The following SPMAP2L variants were observed in gnomAD, a reference collection of about 807,000 sequenced individuals.
The protein encoded by SPMAP2L is sperm microtubule associated protein 2 like.
chr4:56,530,715 C>G, the SPMAP2L span: 1 of 1,535,298 alleles, frequency 6.5e-7, no homozygotes, highest in Non-Finnish European at 8.7e-7. Context: ...CTGCGCCGTC[C>G]GAGGTGACCG....
At chr4:56,555,219 A>C in the SPMAP2L span, among the ~76,000 whole-genome samples, 1 of 152,136 alleles carries the variant, frequency 6.6e-6, no homozygotes, top group Non-Finnish European at 1.5e-5. Flanking sequence ...GATTACAGGC[A>C]TGAGCCACCG....
the SPMAP2L span, chr4:56,575,761 G>A: frequency 1.1e-6 from 1 of 948,468 alleles, no homozygotes; most frequent in Non-Finnish European, 1.5e-6. Flanking sequence ...GTGTTCCAAA[G>A]CATCAGGTAA....
the SPMAP2L span, among the ~76,000 whole-genome samples, chr4:56,579,032 A>G: frequency 7.2e-5 from 11 of 152,178 alleles, no homozygotes; most frequent in Non-Finnish European, 1.0e-4. Flanking sequence ...TCAATACCCC[A>G]CTTTTAATAA....
chr4:56,556,115 A>G, the SPMAP2L span, among the ~76,000 whole-genome samples: 1 of 152,226 alleles, frequency 6.6e-6, no homozygotes, highest in Non-Finnish European at 1.5e-5. Context: ...CATTGCCCAC[A>G]AAGCCTGCTT....
chr4:56,534,215 C>T, the SPMAP2L span, among the ~76,000 whole-genome samples: 1 of 152,194 alleles, frequency 6.6e-6, no homozygotes, highest in South Asian at 2.1e-4. Flanking sequence ...CACTTAGCTG[C>T]AGTGGCTTTT....
At chr4:56,593,670 A>G in the SPMAP2L span, 1 of 1,603,912 alleles carries the variant, frequency 6.2e-7, no homozygotes, top group South Asian at 1.1e-5. Flanking sequence ...GCCGTCCGAG[A>G]AAGCTTGGTG....
At chr4:56,566,674 A>ATTCTTT in the SPMAP2L span, among the ~76,000 whole-genome samples, 90 of 136,592 alleles carry the variant, frequency 6.6e-4, 1 homozygote, top group Non-Finnish European at 1.0e-3. Flanking sequence ...ATGATGTAAG[A>ATTCTTT]TTCTTTTTCT....
chr4:56,594,583 G>T, the SPMAP2L span: 2 of 1,590,664 alleles, frequency 1.3e-6, no homozygotes, highest in African/African-American at 2.7e-5. Flanking sequence ...GGCACAGAAC[G>T]GTTTGCCTCA....
At chr4:56,533,189 T>G in the SPMAP2L span, among the ~76,000 whole-genome samples, 1 of 152,182 alleles carries the variant, frequency 6.6e-6, no homozygotes, top group Non-Finnish European at 1.5e-5. Flanking sequence ...CAAACAACTA[T>G]GCCAACTATG....
At chr4:56,590,595 C>G in the SPMAP2L span, among the ~76,000 whole-genome samples, 3 of 152,216 alleles carry the variant, frequency 2.0e-5, no homozygotes, top group Non-Finnish European at 2.9e-5. Flanking sequence ...TCACAAACTG[C>G]TGATGTCACA....
chr4:56,596,188 A>T, the SPMAP2L span, among the ~76,000 whole-genome samples: 1 of 152,134 alleles, frequency 6.6e-6, no homozygotes, highest in African/African-American at 2.4e-5. Context: ...CACATTTCTG[A>T]GTGTTTTCCT....
At chr4:56,575,077 C>T in the SPMAP2L span, among the ~76,000 whole-genome samples, 22 of 133,732 alleles carry the variant, frequency 1.6e-4, no homozygotes, top group East Asian at 3.4e-3. Context: ...GGTGAAACCC[C>T]GTCTCTACTA....
chr4:56,537,756 G>A, the SPMAP2L span, among the ~76,000 whole-genome samples: 6 of 150,950 alleles, frequency 4.0e-5, no homozygotes, highest in African/African-American at 1.5e-4. Context: ...AGTGGCGCGC[G>A]ATCTCGGCTC....
At chr4:56,596,040 C>A in the SPMAP2L span, among the ~76,000 whole-genome samples, 4 of 152,158 alleles carry the variant, frequency 2.6e-5, no homozygotes, top group African/African-American at 9.7e-5. Context: ...TAGAAGCTAT[C>A]CAGGAGACTT....
At chr4:56,566,695 C>CT in the SPMAP2L span, among the ~76,000 whole-genome samples, 29,598 of 92,354 alleles carry the variant, frequency 0.32, 5,159 homozygotes, top group Non-Finnish European at 0.38. Flanking sequence ...TTTTCTTTTT[C>CT]TTTTTTTTTT....
At chr4:56,541,462 A>T in the SPMAP2L span, among the ~76,000 whole-genome samples, 1 of 152,168 alleles carries the variant, frequency 6.6e-6, no homozygotes, top group African/African-American at 2.4e-5. Context: ...ACACTTTTTA[A>T]GGGCACATTG....
the SPMAP2L span, among the ~76,000 whole-genome samples, chr4:56,568,225 G>A: frequency 6.6e-6 from 1 of 152,246 alleles, no homozygotes. Flanking sequence ...TACAATAGCT[G>A]TTTTAATGTT....
At chr4:56,553,180 CTTTTTT>C in the SPMAP2L span, among the ~76,000 whole-genome samples, 1 of 30,012 alleles carries the variant, frequency 3.3e-5, no homozygotes, top group Non-Finnish European at 5.7e-5. Flanking sequence ...TCTCCTATTG[CTTTTTT>C]TTTTTTTTTT....
chr4:56,593,541 A>C, the SPMAP2L span: 1 of 1,600,078 alleles, frequency 6.2e-7, no homozygotes, highest in Non-Finnish European at 8.6e-7. Flanking sequence ...TGTGCTACTG[A>C]CCTTTTAGCT....
Sources: allele counts gnomAD v4.1 joint callset (sites outside exome capture counted in the v4.1 genomes callset), GRCh38; gene constraint gnomAD v4.1.1; transcripts MANE v1.5; gene names NCBI Gene and HGNC (gene_info 2026-07-23, HGNC 2026-07-21).